Variants in HGSNAT observed in about 807,000 individuals in gnomAD.
HGSNAT encodes the protein heparan-alpha-glucosaminide N-acetyltransferase.
Under a neutral mutation model 85.2 loss-of-function variants are expected in HGSNAT, and 59 were observed. That is an observed-to-expected ratio of 0.69 (90% CI 0.56 to 0.86). HGSNAT has a LOEUF of 0.86. HGSNAT is among the 40% of genes least tolerant of loss of function. The pLI, the probability that HGSNAT is intolerant of heterozygous loss-of-function variation, is 0.00. For missense variants in HGSNAT, 756 were observed against 777.1 expected (o/e 0.97, Z 0.32); for synonymous variants, 321 against 304.5 (o/e 1.05, Z -0.56).
chr8:43,187,183 T>G (rs1804346101), intron 11 of HGSNAT, among the ~76,000 whole-genome samples: 1 of 152,312 alleles, frequency 6.6e-6, no homozygotes, highest in South Asian at 2.1e-4. Flanking sequence ...CTGAGTTCAA[T>G]TCCTGGATAT....
Position 43,172,312 on chromosome 8 carries a change from T to C in HGSNAT, c.746T>C (p.Ile249Thr), listed in dbSNP as rs1269584278. Residue 249 changes from isoleucine (I) to threonine (T), a missense_variant and splice_region_variant, in exon 8 of 18, where the codon ATT becomes ACT. Coordinates refer to ENST00000379644, the MANE Select transcript of HGSNAT (RefSeq NM_152419.3). ...RLRSVDTFRG[I>T]ALILMVFVNY... ...TTCTCTTTGTTGGCTTCTTCTAGGA[T>C]TGCTCTTATACTCATGGTCTTTGTC... The C allele has an allele frequency of 6.2e-7, 1 of 1,609,738 alleles. No homozygotes were observed. Among genetic ancestry groups the C allele is most frequent in the Non-Finnish European group, 8.5e-7 (1 of 1,175,992 alleles).
At chr8:43,158,122 C>A (rs1803150287) in intron 2 of HGSNAT, among the ~76,000 whole-genome samples, 1 of 151,922 alleles carries the variant, frequency 6.6e-6, no homozygotes, top group African/African-American at 2.4e-5. Context: ...TGTTTTGAGA[C>A]AGAGTCTTGC....
At chr8:43,180,049 GC>G (rs1375718020) in intron 10 of HGSNAT, among the ~76,000 whole-genome samples, 5 of 120,984 alleles carry the variant, frequency 4.1e-5, no homozygotes, top group Non-Finnish European at 3.5e-5. Context: ...GGGGCGGCTG[GC>G]CGGGCGGGGG....
chr8:43,193,504 T>C (rs938591629), intron 13 of HGSNAT, among the ~76,000 whole-genome samples: 5 of 152,194 alleles, frequency 3.3e-5, no homozygotes, highest in African/African-American at 7.2e-5. Context: ...CTGCCCCCGC[T>C]GCAATCACAG....
intron 6 of HGSNAT, 131 bp from the exon 7 acceptor site, chr8:43,170,454 T>C: frequency 2.5e-6 from 2 of 799,268 alleles, no homozygotes; most frequent in East Asian, 5.4e-5. Flanking sequence ...CACTCCAGGC[T>C]GGGCCACAGA....
intron 11 of HGSNAT, among the ~76,000 whole-genome samples, chr8:43,188,350 C>CT (rs1296095129): frequency 2.0e-5 from 3 of 152,140 alleles, no homozygotes; most frequent in South Asian, 2.1e-4. Context: ...TCTTTTTACT[C>CT]TTTTTTCTCC....
intron 11 of HGSNAT, among the ~76,000 whole-genome samples, chr8:43,183,181 C>A (rs1804190237): frequency 6.6e-6 from 1 of 152,140 alleles, no homozygotes; most frequent in African/African-American, 2.4e-5. Context: ...TTATTTACTT[C>A]TTGGAGACAG....
intron 17 of HGSNAT, among the ~76,000 whole-genome samples, chr8:43,198,523 G>A (rs376381131): frequency 2.6e-4 from 40 of 152,198 alleles, no homozygotes; most frequent in African/African-American, 7.7e-4. Flanking sequence ...TCCCGACCTC[G>A]TGATCCGCCC....
intron 5 of HGSNAT, among the ~76,000 whole-genome samples, chr8:43,162,425 A>C (rs557228960): frequency 1.3e-5 from 2 of 152,188 alleles, no homozygotes; most frequent in Admixed American, 1.3e-4. Context: ...TTTTTTAGGG[A>C]TAGAGGAAGA....
At chr8:43,192,232 G>GT (rs71550447) in intron 12 of HGSNAT, 72 bp from the exon 13 acceptor site, 6 of 1,526,310 alleles carry the variant, frequency 3.9e-6, no homozygotes, top group Non-Finnish European at 4.4e-6. Flanking sequence ...CCGGCCTGAG[G>GT]TTTTTTTATT....
rs776415580 is a variant in HGSNAT, at chr8:43,197,892, G to C, written c.1666G>C (p.Val556Leu). ...LSSFAFFILL[V>L]LYPVVDVKGL... is the part of the protein sequence containing the mutation. ...TTCTTTTGCCTTCTTCATCCTGCTGGTCCTGTACCCAGTTGTGGATGTGAA... is the reference window on the plus strand; with the variant it reads ...TTCTTTTGCCTTCTTCATCCTGCTGCTCCTGTACCCAGTTGTGGATGTGAA... The change falls in exon 17 of 18, where the codon GTC becomes CTC. Residue 556 changes from valine to leucine, a missense_variant. By Grantham distance (32) the Val-to-Leu change is conservative. Transcript: ENST00000379644. 6.2e-7 allele frequency: 1 copy of C among 1,613,942 alleles called. No homozygotes were observed. The highest frequency in any genetic ancestry group is 8.5e-7 in the Non-Finnish European group (1 of 1,179,892).
At chr8:43,178,268 G>C (rs763689887) in intron 10 of HGSNAT, 34 bp downstream of exon 10, 1 of 1,409,062 alleles carries the variant, frequency 7.1e-7, no homozygotes, top group Admixed American at 2.5e-5. Flanking sequence ...TATATATTCA[G>C]GTTGAAATAT....
At chr8:43,195,234 C>T (rs1804665236) in intron 14 of HGSNAT, among the ~76,000 whole-genome samples, 1 of 152,092 alleles carries the variant, frequency 6.6e-6, no homozygotes, top group Admixed American at 6.5e-5. Flanking sequence ...GGACTTTTGA[C>T]TCCCCCAAAA....
chr8:43,192,401 G>A lies in HGSNAT; in HGVS notation c.1348G>A (p.Asp450Asn), dbSNP rs914840257. 1.4e-5 allele frequency: 23 copies of A among 1,613,146 alleles called. No homozygotes were observed. Among genetic ancestry groups the A allele is most frequent in the Middle Eastern group, 1.7e-4 (1 of 6,052 alleles). The change falls in exon 13 of 18, where the codon GAT becomes AAT. Residue 450 changes from aspartate (D) to asparagine (N), a missense_variant. Transcript: ENST00000379644. ...GYIDRLLLGD[D>N]HLYQHPSSAV... ...CATCGACCGCCTGCTGCTGGGAGAC[G>A]ATCACCTTTACCAGCACCCATCTTC...
rs1383009021 is a variant in HGSNAT at position 43,154,116 on chromosome 8, C to CT, written c.235-4456dup. On this transcript the variant is annotated intron_variant, in intron 2 of 17. Coordinates refer to ENST00000379644, the MANE Select transcript of HGSNAT (RefSeq NM_152419.3). ...TTGTAGAATCCAGGCCAGGGGGCTGCTTTGAAGGCAAGAATTTCATGCTAG... is the reference window on the plus strand; with the variant it reads ...TTGTAGAATCCAGGCCAGGGGGCTGCTTTTGAAGGCAAGAATTTCATGCTAG... 2.0e-5 allele frequency among the ~76,000 whole-genome samples: 3 copies of CT among 152,102 alleles called. No homozygotes were observed. The South Asian group carries it at 6.2e-4, about 31-fold the overall frequency.
At chr8:43,177,140 A>T (rs1408142873) in intron 9 of HGSNAT, among the ~76,000 whole-genome samples, 4 of 152,198 alleles carry the variant, frequency 2.6e-5, no homozygotes, top group African/African-American at 7.2e-5. Context: ...ATCTTGGAGG[A>T]AAGGCTTTCA....
chr8:43,184,414 G>T (rs2130788611), intron 11 of HGSNAT, among the ~76,000 whole-genome samples: 2 of 152,090 alleles, frequency 1.3e-5, no homozygotes, highest in African/African-American at 4.8e-5. Context: ...TCATGTGTCT[G>T]TTGGCTGCAT....
chr8:43,151,589 A>T (rs1015615636), intron 2 of HGSNAT, among the ~76,000 whole-genome samples: 14 of 152,312 alleles, frequency 9.2e-5, no homozygotes, highest in African/African-American at 3.1e-4. Flanking sequence ...TGGATAAATT[A>T]AAAAAAGCAG....
chr8:43,170,978 C>T (rs1201453716), intron 7 of HGSNAT, among the ~76,000 whole-genome samples: 1 of 152,142 alleles, frequency 6.6e-6, no homozygotes, highest in African/African-American at 2.4e-5. Flanking sequence ...GGGCAAGTCG[C>T]TGTTACTTGG....
Sources: gnomAD v4.1 joint callset for allele counts (sites outside exome capture counted in the v4.1 genomes callset) on GRCh38, gnomAD v4.1.1 for gene constraint, MANE v1.5 for transcripts, NCBI Gene and HGNC (gene_info 2026-07-23, HGNC 2026-07-21) for gene names.